Variants in LRP2 observed in about 807,000 individuals in gnomAD.
The protein encoded by LRP2 is LDL receptor related protein 2, also known as low-density lipoprotein receptor-related protein 2.
Under a neutral mutation model 531.0 loss-of-function variants are expected in LRP2, and 172 were observed. That is an observed-to-expected ratio of 0.32 (90% CI 0.29 to 0.37). The LOEUF is 0.37. Among genes scored for constraint, LRP2 ranks in the 10% least tolerant of loss-of-function variants. The pLI is 1.00. For missense variants in LRP2, 5,167 were observed against 5,868.3 expected (o/e 0.88, Z 3.90); for synonymous variants, 1,992 against 2,027.6 (o/e 0.98, Z 0.47).
rs10190601 is a variant in LRP2, at chr2:169,154,321, C to T, written c.12295+139G>A. On this transcript the variant is annotated intron_variant, in intron 66 of 78. Coordinates refer to ENST00000649046, the MANE Select transcript of LRP2 (RefSeq NM_004525.3). ...CAAGGCCACGCTAAGGCATCAGGAG[C>T]ATGCTGGATTGGAAGAGTTTCCTCC... The T allele has an allele frequency of 7.8e-3, 5,840 of 750,556 alleles. 198 individuals are homozygous for T. The African/African-American group carries it at 0.082, about 11-fold the overall frequency. The allele number at this position is 750,556 out of a possible 1,614,324, so 46.5% of individuals were successfully genotyped here.
intron 1 of LRP2, among the ~76,000 whole-genome samples, chr2:169,350,723 C>CAA (rs35301449): frequency 0.12 from 7,883 of 66,894 alleles, 664 homozygotes; most frequent in East Asian, 0.21. Context: ...GACTCCATCG[C>CAA]AAAAAAAAAA....
At chr2:169,290,577 G>A (rs1229249744) in intron 8 of LRP2, among the ~76,000 whole-genome samples, 1 of 152,060 alleles carries the variant, frequency 6.6e-6, no homozygotes, top group Non-Finnish European at 1.5e-5. Flanking sequence ...CCTAGGATTT[G>A]CTCTTTCAGC....
intron 42 of LRP2, among the ~76,000 whole-genome samples, chr2:169,203,687 G>T (rs1191485092): frequency 6.6e-6 from 1 of 152,212 alleles, no homozygotes; most frequent in African/African-American, 2.4e-5. Context: ...AACCCAGGAG[G>T]TGGAGGTTGC....
intron 6 of LRP2, 91 bp from the exon 7 acceptor site, chr2:169,292,460 G>C (rs940396866): frequency 8.2e-6 from 7 of 853,016 alleles, no homozygotes; most frequent in Middle Eastern, 2.2e-4. Context: ...AGTACTCCTA[G>C]AAATTGAAAT....
chr2:169,193,941 A>G (rs1183888064), intron 46 of LRP2, 49 bp from the exon 47 acceptor site: 3 of 1,611,092 alleles, frequency 1.9e-6, no homozygotes, highest in Non-Finnish European at 2.5e-6. Context: ...TTTACAGTCC[A>G]GGAATCTGGA....
rs370823033 is a variant in LRP2, at chr2:169,294,717, TA to T, written c.428-8del. ...TGCTCACATGTTGGGTACTCTATTG[TA>T]AAAAAAAAAAAAAAAAAAAAAAGGA... On this transcript the variant is annotated splice_polypyrimidine_tract_variant and splice_region_variant and intron_variant, in intron 4 of 78. Coordinates refer to ENST00000649046, the MANE Select transcript of LRP2 (RefSeq NM_004525.3). 73,592 of 699,708 alleles carry T rather than the reference TA, an allele frequency of 0.11. 5,577 individuals are homozygous for T. The highest frequency in any genetic ancestry group is 0.34 in the African/African-American group (13,867 of 41,062). 43.3% of individuals were successfully genotyped at this position (699,708 alleles called of 1,614,324 possible).
At chr2:169,172,200 C>A in intron 57 of LRP2, 66 bp from the exon 58 acceptor site, 1 of 1,594,004 alleles carries the variant, frequency 6.3e-7, no homozygotes, top group Admixed American at 1.7e-5. Context: ...GTAGTATTGG[C>A]TTCCTTGTGA....
At chr2:169,264,994 C>T (rs1690737218) in intron 16 of LRP2, among the ~76,000 whole-genome samples, 1 of 152,010 alleles carries the variant, frequency 6.6e-6, no homozygotes, top group Non-Finnish European at 1.5e-5. Context: ...CCCTCAGCTC[C>T]CTTTCCTCTG....
At chr2:169,304,978 G>A (rs998347656) in intron 4 of LRP2, among the ~76,000 whole-genome samples, 6 of 152,064 alleles carry the variant, frequency 3.9e-5, no homozygotes, top group Non-Finnish European at 7.4e-5. Flanking sequence ...AAAACCAAAC[G>A]CCACATGTTC....
intron 62 of LRP2, among the ~76,000 whole-genome samples, chr2:169,165,328 A>G (rs1686744190): frequency 6.6e-6 from 1 of 152,230 alleles, no homozygotes; most frequent in South Asian, 2.1e-4. Context: ...TAGATTTTAA[A>G]ACATTTTGAA....
chr2:169,324,126 A>G (rs972637398), intron 1 of LRP2, among the ~76,000 whole-genome samples: 1 of 152,156 alleles, frequency 6.6e-6, no homozygotes, highest in Non-Finnish European at 1.5e-5. Context: ...AATCCTCATA[A>G]TAACCCTATG....
At chr2:169,139,394 G>A in intron 73 of LRP2, 23 bp from the exon 74 acceptor site, 1 of 1,614,134 alleles carries the variant, frequency 6.2e-7, no homozygotes, top group Non-Finnish European at 8.5e-7. Context: ...ATAGCAGAGA[G>A]CACATCAACA....
chr2:169,310,522 G>A (rs1367587124), intron 3 of LRP2, among the ~76,000 whole-genome samples: 1 of 152,160 alleles, frequency 6.6e-6, no homozygotes, highest in Non-Finnish European at 1.5e-5. Context: ...TGCGTATGTT[G>A]AACCAGCCTT....
At chr2:169,356,625 A>T (rs545274043) in intron 1 of LRP2, among the ~76,000 whole-genome samples, 1 of 152,248 alleles carries the variant, frequency 6.6e-6, no homozygotes, top group East Asian at 1.9e-4. Flanking sequence ...AGATCCTCCA[A>T]CTTCAAAATC....
Position 169,239,733 on chromosome 2 carries a change from T to C in LRP2, c.4088A>G (p.Glu1363Gly). 1.2e-6 allele frequency: 2 copies of C among 1,614,036 alleles called. No individual in the cohort carries two copies. Among genetic ancestry groups the C allele is most frequent in the South Asian group, 2.2e-5 (2 of 91,080 alleles). Residue 1363 changes from glutamate (E) to glycine (G), a missense_variant, in exon 26 of 79, where the codon GAG becomes GGG. Glu to Gly is a moderately conservative substitution (Grantham distance 98). Around this residue, in one of 6 missense-constraint regions of LRP2, gnomAD observed 2,811 missense variants for 3,058.0 expected, o/e 0.92. Transcript: ENST00000649046. Reference sequence around the variant, plus strand: ...AGCCCCAAAGGGCTCTTGAACACACTCGTGAGTACAACCACCATTGAAATC... The same window carrying C: ...AGCCCCAAAGGGCTCTTGAACACACCCGTGAGTACAACCACCATTGAAATC... ...CSDFNGGCTH[E>G]CVQEPFGAKC...
chr2:169,223,433 A>G (rs1689087208), intron 33 of LRP2, among the ~76,000 whole-genome samples: 1 of 152,214 alleles, frequency 6.6e-6, no homozygotes, highest in South Asian at 2.1e-4. Flanking sequence ...ATTAATTGCC[A>G]TTTGGAATTA....
intron 57 of LRP2, among the ~76,000 whole-genome samples, 170 bp downstream of exon 57, chr2:169,172,926 C>T (rs1379499514): frequency 6.6e-6 from 1 of 152,220 alleles, no homozygotes; most frequent in African/African-American, 2.4e-5. Flanking sequence ...GGTAACCCTG[C>T]AAAATGCTAC....
chr2:169,336,977 G>C (rs1477316320), intron 1 of LRP2, among the ~76,000 whole-genome samples: 1 of 152,136 alleles, frequency 6.6e-6, no homozygotes, highest in African/African-American at 2.4e-5. Context: ...AACTTAAAAG[G>C]CTGTTCTGAT....
In LRP2 at chr2:169,172,041, CCA is replaced by C. The variant is rs762646109; in HGVS notation, c.11235_11236del (p.Cys3745TrpfsTer3). On this transcript the variant is annotated frameshift_variant, in exon 58 of 79. Coordinates refer to ENST00000649046, the MANE Select transcript of LRP2 (RefSeq NM_004525.3). LOFTEE classifies it high-confidence loss of function. ...ACAGTTTTCCTCATCTGAGTTATCTCCACAGTCATTTTGCCCATCACACTGCC... is the reference window on the plus strand; with the variant it reads ...ACAGTTTTCCTCATCTGAGTTATCTCCAGTCATTTTGCCCATCACACTGCC... The C allele has an allele frequency of 1.9e-6, 3 of 1,614,016 alleles. No individual in the cohort carries two copies.
Sources: allele counts gnomAD v4.1 joint callset (sites outside exome capture counted in the v4.1 genomes callset), GRCh38; gene constraint gnomAD v4.1.1; regional missense constraint gnomAD v4.1.1; transcripts MANE v1.5; gene names NCBI Gene and HGNC (gene_info 2026-07-23, HGNC 2026-07-21).